Variants in LARGE1 observed in about 807,000 individuals in gnomAD.
The protein encoded by LARGE1 is xylosyl- and glucuronyltransferase LARGE1.
A neutral mutation model predicts 87.6 loss-of-function variants in LARGE1; 43 were observed. That is an observed-to-expected ratio of 0.49 (90% confidence interval 0.38 to 0.63). The LOEUF is 0.63. Among genes scored for constraint, LARGE1 ranks in the 30% least tolerant of loss-of-function variants. LARGE1 has a pLI of 0.00. For missense variants in LARGE1, 802 were observed against 1,000.2 expected (o/e 0.80, Z 2.67); for synonymous variants, 434 against 394.6 (o/e 1.10, Z -1.18).
At position 33,511,033 on chromosome 22, in the gene LARGE1, C is replaced by T. The variant is rs145310635; in HGVS notation, c.787+53815G>A. On this transcript the variant is annotated intron_variant, in intron 6 of 14. Coordinates refer to ENST00000397394, the MANE Select transcript of LARGE1 (RefSeq NM_133642.5). ...GGGTGCCGATACAGTTCTGTATTGT[C>T]GGGCAATCCATCACACACATAGTGA... Among the ~76,000 whole-genome samples, 6 of 152,226 alleles carry T rather than the reference C, an allele frequency of 3.9e-5. No homozygotes were observed. In the East Asian group the frequency reaches 9.7e-4, roughly 25 times the overall value.
At chr22:33,698,239 A>C (rs1266220523) in intron 2 of LARGE1, among the ~76,000 whole-genome samples, 2 of 151,270 alleles carry the variant, frequency 1.3e-5, no homozygotes, top group African/African-American at 2.4e-5. Context: ...CGCTCGGCTA[A>C]TTTTTGTATT....
the LARGE1 span, among the ~76,000 whole-genome samples, chr22:33,095,814 C>G: frequency 6.6e-6 from 1 of 152,104 alleles, no homozygotes; most frequent in African/African-American, 2.4e-5. Context: ...CTGAGCTTCC[C>G]AGTAGTGTGT....
intron 2 of LARGE1, among the ~76,000 whole-genome samples, chr22:33,727,846 T>G (rs1369639406): frequency 6.6e-6 from 1 of 151,976 alleles, no homozygotes; most frequent in Non-Finnish European, 1.5e-5. Context: ...TTCCTGAGGC[T>G]TGGAAAGGTC....
In LARGE1 at chr22:33,283,234, T is replaced by C. The variant is rs1302366778; in HGVS notation, c.1845A>G (p.Ser615=). 1 of 1,614,022 alleles carries C rather than the reference T, an allele frequency of 6.2e-7. No individual in the cohort carries two copies. Among genetic ancestry groups the C allele is most frequent in the East Asian group, 2.2e-5 (1 of 44,890 alleles). Residue 615 remains serine (S), a synonymous_variant, in exon 13 of 15, where the codon TCA becomes TCG. Transcript: ENST00000397394. The part of the protein sequence containing the change: ...SFPKSKAELL[S]MLDMGTLFTF... ...TGAAGAGGGTCCCCATGTCCAGCAT[T>C]GACAGCAACTCCGCTTTTGACTTGG...
chr22:33,625,712 T>G (rs762997867), intron 4 of LARGE1, among the ~76,000 whole-genome samples: 2 of 152,244 alleles, frequency 1.3e-5, no homozygotes, highest in African/African-American at 4.8e-5. Flanking sequence ...TATGTTCACA[T>G]GGTCTGTGTT....
At chr22:33,747,326 TCCTGACCTCATCCACCATGTTGCTTCTC>T (rs2084126589) in intron 2 of LARGE1, among the ~76,000 whole-genome samples, 2 of 152,018 alleles carry the variant, frequency 1.3e-5, no homozygotes. Context: ...TTGCTTCTCC[TCCTGACCTCATCCACCATGTTGCTTCTC>T]CTCTCTTCTC....
At chr22:33,917,935 G>T (rs1006718132) in intron 1 of LARGE1, among the ~76,000 whole-genome samples, 1 of 152,038 alleles carries the variant, frequency 6.6e-6, no homozygotes, top group East Asian at 1.9e-4. Context: ...AGTAACATGG[G>T]CCCTGGTGTT....
At chr22:33,310,024 G>C (rs994957225) in intron 11 of LARGE1, among the ~76,000 whole-genome samples, 2 of 152,152 alleles carry the variant, frequency 1.3e-5, no homozygotes, top group African/African-American at 2.4e-5. Context: ...TCTCCAGAAC[G>C]GTCAGTGCTT....
At chr22:33,674,917 G>A (rs970013145) in intron 2 of LARGE1, among the ~76,000 whole-genome samples, 1 of 151,894 alleles carries the variant, frequency 6.6e-6, no homozygotes, top group Non-Finnish European at 1.5e-5. Flanking sequence ...GAGAGGGAGT[G>A]TATGTTTTAA....
the LARGE1 span, among the ~76,000 whole-genome samples, chr22:33,136,412 C>A: frequency 1.4e-4 from 21 of 152,150 alleles, no homozygotes; most frequent in African/African-American, 5.1e-4. Flanking sequence ...GACTTATTCA[C>A]TACCATGAGA....
At chr22:33,516,667 CA>C (rs57758994) in intron 6 of LARGE1, among the ~76,000 whole-genome samples, 152,057 of 152,094 alleles carry the variant, frequency 1, 76,010 homozygotes, top group Middle Eastern at 1. Context: ...CCGCTCACTG[CA>C]AACTTCCGCC....
rs1180360379 is a variant in LARGE1 at position 33,212,113 on chromosome 22, C to T, written c.1731-45281G>A. 2.0e-5 allele frequency among the ~76,000 whole-genome samples: 3 copies of T among 151,958 alleles called. No individual in the cohort carries two copies. The East Asian group carries it at 5.8e-4, about 29-fold the overall frequency. ...GTTATCCAGAAGATCCAGCTAAAAT[C>T]ACGGATGAAGGTGGCTCCACTAAAC... On this transcript the variant is annotated intron_variant, in intron 11 of 11. Coordinates refer to the LARGE1 transcript ENST00000608642.
intron 9 of LARGE1, among the ~76,000 whole-genome samples, chr22:33,363,734 C>G (rs1463191248): frequency 6.7e-6 from 1 of 150,160 alleles, no homozygotes; most frequent in Middle Eastern, 3.5e-3. Flanking sequence ...TATAATACGT[C>G]AGCACCACTG....
intron 1 of LARGE1, among the ~76,000 whole-genome samples, chr22:33,875,587 C>G (rs2064437684): frequency 6.6e-6 from 1 of 152,246 alleles, no homozygotes; most frequent in African/African-American, 2.4e-5. Flanking sequence ...GTGCTAAAAT[C>G]CACAGCAACC....
intron 11 of LARGE1, among the ~76,000 whole-genome samples, chr22:33,177,543 C>T (rs137357): frequency 0.62 from 94,318 of 151,902 alleles, 29,560 homozygotes; most frequent in Middle Eastern, 0.69. Context: ...AGGTTCAAAA[C>T]TCCTATGACA....
At chr22:33,408,953 C>T (rs2066207656) in intron 7 of LARGE1, among the ~76,000 whole-genome samples, 1 of 152,166 alleles carries the variant, frequency 6.6e-6, no homozygotes, top group Non-Finnish European at 1.5e-5. Context: ...TCCCTTGAGC[C>T]TTGCTAGAGG....
intron 11 of LARGE1, among the ~76,000 whole-genome samples, chr22:33,206,562 G>T (rs1924696364): frequency 6.6e-6 from 1 of 152,116 alleles, no homozygotes; most frequent in African/African-American, 2.4e-5. Context: ...CTTACTAAAG[G>T]TCTAGAACAA....
the LARGE1 span, among the ~76,000 whole-genome samples, chr22:33,095,831 C>A: frequency 2.0e-5 from 3 of 152,174 alleles, no homozygotes; most frequent in Non-Finnish European, 4.4e-5. Context: ...GTGTCCTCTG[C>A]AGTCCTCAGC....
intron 1 of LARGE1, among the ~76,000 whole-genome samples, chr22:33,785,020 C>T (rs1440105123): frequency 6.7e-6 from 1 of 148,740 alleles, no homozygotes; most frequent in Non-Finnish European, 1.5e-5. Flanking sequence ...TGTATACATA[C>T]ATATGTGTAT....
Sources: allele counts gnomAD v4.1 joint callset (sites outside exome capture counted in the v4.1 genomes callset), GRCh38; gene constraint gnomAD v4.1.1; transcripts MANE v1.5; gene names NCBI Gene and HGNC (gene_info 2026-07-23, HGNC 2026-07-21).